The following UGT2A1 variants were observed in gnomAD, a reference collection of about 807,000 sequenced individuals.
UGT2A1 encodes UDP glucuronosyltransferase family 2 member A1 complex locus.
UGT2A1 carries 61 observed loss-of-function variants against 45.4 expected under a neutral mutation model. The observed-to-expected ratio is 1.34, with a 90% CI of 1.09 to 1.66. The LOEUF is 1.66. UGT2A1 is among the 40% of genes most tolerant of loss of function. UGT2A1 has a pLI of 0.00. For synonymous variants in UGT2A1, 229 were observed against 196.2 expected (o/e 1.17, Z -1.40); for missense variants, 649 against 574.3 (o/e 1.13, Z -1.33).
At chr4:69,623,920 C>A (rs762749971) in intron 3 of UGT2A1, among the ~76,000 whole-genome samples, 2 of 151,360 alleles carry the variant, frequency 1.3e-5, no homozygotes, top group African/African-American at 4.8e-5. Context: ...TAATGCTGGC[C>A]AGAATGCCCA....
intron 2 of UGT2A1, 22 bp from the exon 3 acceptor site, chr4:69,635,844 A>AT (rs1721665481): frequency 7.3e-6 from 1 of 136,710 alleles, no homozygotes; most frequent in South Asian, 1.9e-4. Context: ...AAAAAAAAAA[A>AT]AAAAAAGAGA....
intron 4 of UGT2A1, 142 bp downstream of exon 4, chr4:69,599,104 C>T (rs1235710494): frequency 3.2e-6 from 4 of 1,252,646 alleles, no homozygotes; most frequent in East Asian, 5.2e-5. Flanking sequence ...TTGTAGGAGA[C>T]CTCTATCACA....
chr4:69,641,357 AT>A (rs1401916882), intron 2 of UGT2A1, among the ~76,000 whole-genome samples: 3 of 151,938 alleles, frequency 2.0e-5, no homozygotes, highest in South Asian at 4.2e-4. Flanking sequence ...GTCTGAATTG[AT>A]AATCCTCATA....
intron 3 of UGT2A1, among the ~76,000 whole-genome samples, chr4:69,629,848 T>C (rs570812893): frequency 3.3e-4 from 50 of 152,096 alleles, no homozygotes; most frequent in Non-Finnish European, 6.2e-4. Flanking sequence ...TGAGTCTTTC[T>C]AGTGAATCAT....
At chr4:69,596,831 C>G (rs1290364344) in intron 4 of UGT2A1, among the ~76,000 whole-genome samples, 1 of 152,134 alleles carries the variant, frequency 6.6e-6, no homozygotes, top group Non-Finnish European at 1.5e-5. Flanking sequence ...CAGAAATAGT[C>G]TCCTTAAGAG....
intron 2 of UGT2A1, 22 bp from the exon 3 acceptor site, chr4:69,635,844 AAAAAAAGAGAG>A (rs1353647382): frequency 4.4e-5 from 6 of 136,776 alleles, no homozygotes; most frequent in African/African-American, 2.1e-4. Context: ...AAAAAAAAAA[AAAAAAAGAGAG>A]AGAGAGAGAG....
intron 3 of UGT2A1, among the ~76,000 whole-genome samples, chr4:69,631,074 A>C (rs570483298): frequency 2.4e-4 from 37 of 152,220 alleles, no homozygotes; most frequent in African/African-American, 8.7e-4. Context: ...CTATAACACT[A>C]CTTTCTCATT....
At chr4:69,612,128 T>G (rs947887475) in intron 3 of UGT2A1, among the ~76,000 whole-genome samples, 7 of 152,042 alleles carry the variant, frequency 4.6e-5, no homozygotes, top group Admixed American at 4.6e-4. Flanking sequence ...CCAAGGTTAA[T>G]AGGCAGCTCC....
rs758614159 is a variant in UGT2A1 at position 69,638,885 on chromosome 4, A to C, written c.716-3063T>G. 3.2e-6 allele frequency: 5 copies of C among 1,545,270 alleles called. No individual in the cohort carries two copies. In the South Asian group the frequency reaches 5.0e-5, roughly 15 times the overall value. On this transcript the variant is annotated intron_variant, in intron 2 of 6. Coordinates refer to ENST00000286604, the MANE Select transcript of UGT2A1 (RefSeq NM_001252275.3). ...GGATGTGGAGTCATTAAAAAGAGAA[A>C]ATTTTAGACTTACCTAAAATTTTGC...
At chr4:69,639,589 C>T (rs765951014) in intron 2 of UGT2A1, 2 of 1,609,484 alleles carry the variant, frequency 1.2e-6, no homozygotes, top group Non-Finnish European at 8.5e-7. Flanking sequence ...AAATTAAAAA[C>T]CAGCATCTGG....
rs1210889328 is a variant in UGT2A1, at chr4:69,602,123, A to G, written c.848-2729T>C. ...AAGATATGAAAAAGTTGGACTCATT[A>G]TAGTAATGAAATGATAGCTTAAAAC... On this transcript the variant is annotated intron_variant, in intron 3 of 6. Transcript: ENST00000286604. Among the ~76,000 whole-genome samples, 2 of 137,004 alleles carry G rather than the reference A, an allele frequency of 1.5e-5. 1 individual carries two copies. Among genetic ancestry groups the G allele is most frequent in the South Asian group, 4.8e-4 (2 of 4,190 alleles). 89.9% of individuals were successfully genotyped at this position (137,004 alleles called of 152,430 possible).
At chr4:69,593,351 A>G (rs138415727) in intron 6 of UGT2A1, among the ~76,000 whole-genome samples, 51 of 152,228 alleles carry the variant, frequency 3.4e-4, no homozygotes, top group African/African-American at 1.2e-3. Context: ...TAAAATTACA[A>G]CATAAGTAAT....
chr4:69,597,946 T>C (rs1331975494), intron 4 of UGT2A1, among the ~76,000 whole-genome samples: 2 of 152,168 alleles, frequency 1.3e-5, no homozygotes. Context: ...TCTGCTATTG[T>C]AAAACATGGC....
At chr4:69,631,986 G>A (rs181904510) in intron 3 of UGT2A1, among the ~76,000 whole-genome samples, 36 of 152,196 alleles carry the variant, frequency 2.4e-4, no homozygotes, top group Admixed American at 9.2e-4. Flanking sequence ...ACCACAGTTT[G>A]TATAAATCCA....
At chr4:69,597,561 G>A (rs1408111789) in intron 4 of UGT2A1, among the ~76,000 whole-genome samples, 1 of 152,084 alleles carries the variant, frequency 6.6e-6, no homozygotes, top group Non-Finnish European at 1.5e-5. Flanking sequence ...ATCACTTTAT[G>A]ACTAGCCAAA....
chr4:69,607,626 A>G (rs1376111302), intron 3 of UGT2A1, among the ~76,000 whole-genome samples: 1 of 152,176 alleles, frequency 6.6e-6, no homozygotes, highest in Non-Finnish European at 1.5e-5. Context: ...ATCAGAGTGA[A>G]CAGGCAACCT....
chr4:69,595,198 G>T lies in UGT2A1; in HGVS notation c.1048C>A (p.Gln350Lys). 6.2e-7 allele frequency: 1 copy of T among 1,613,836 alleles called. No individual in the cohort carries two copies. Among genetic ancestry groups the T allele is most frequent in the Non-Finnish European group, 8.5e-7 (1 of 1,179,850 alleles). ...KKPATLGNNT[Q>K]LFDWIPQNDL... ...TTCTGGGGTATCCAATCAAAGAGCT[G>T]AGTATTGTTTCCTAATGTGGCTGGT... Residue 350 changes from glutamine to lysine, a missense_variant, in exon 5 of 7, where the codon CAG (glutamine) becomes AAG (lysine). Transcript: ENST00000286604.
chr4:69,604,552 T>A (rs1466079009), intron 3 of UGT2A1, among the ~76,000 whole-genome samples: 1 of 136,170 alleles, frequency 7.3e-6, no homozygotes, highest in African/African-American at 3.0e-5. Flanking sequence ...AATGACAGGA[T>A]CAAGTTCACA....
intron 1 of UGT2A1, among the ~76,000 whole-genome samples, chr4:69,651,487 CAGA>C (rs1246773728): frequency 3.3e-5 from 5 of 152,102 alleles, no homozygotes; most frequent in African/African-American, 1.2e-4. Flanking sequence ...TAACGTATTT[CAGA>C]AGAAGCTAGC....
Sources: allele counts gnomAD v4.1 joint callset (sites outside exome capture counted in the v4.1 genomes callset), GRCh38; gene constraint gnomAD v4.1.1; transcripts MANE v1.5; gene names NCBI Gene and HGNC (gene_info 2026-07-23, HGNC 2026-07-21).